WDR93: variants seen among roughly 807,000 people sequenced by gnomAD.
WDR93 encodes the protein WD repeat-containing protein 93.
Under a neutral mutation model 82.9 loss-of-function variants are expected in WDR93, and 73 were observed. The observed-to-expected ratio is 0.88, with a 90% confidence interval of 0.73 to 1.07. The LOEUF (loss-of-function observed/expected upper bound fraction) is 1.07, where lower values mean the gene tolerates loss of function less well. Among genes scored for constraint, WDR93 ranks in the 50% least tolerant of loss-of-function variants. WDR93 has a pLI of 0.00. For synonymous variants in WDR93, 283 were observed against 300.1 expected, an observed-to-expected ratio of 0.94 and a Z score of 0.59; for missense variants, 738 against 826.0, an observed-to-expected ratio of 0.89 and a Z score of 1.31.
intron 4 of WDR93, among the ~76,000 whole-genome samples, chr15:89,710,767 T>G (rs1965939403): frequency 6.6e-6 from 1 of 152,184 alleles, no homozygotes; most frequent in Admixed American, 6.5e-5. Context: ...TTTTAAATAC[T>G]TTATTGTCAC....
chr15:89,697,862 A>G (rs2141585020), intron 1 of WDR93, among the ~76,000 whole-genome samples: 1 of 151,332 alleles, frequency 6.6e-6, no homozygotes, highest in South Asian at 2.1e-4. Flanking sequence ...CCACTTGATC[A>G]ATTGACACTT....
intron 9 of WDR93, 66 bp from the exon 10 acceptor site, chr15:89,728,957 C>G (rs564598756): frequency 3.8e-4 from 540 of 1,423,154 alleles, no homozygotes; most frequent in Non-Finnish European, 4.9e-4. Flanking sequence ...AGGACCAAGA[C>G]TCTGCCAGCA....
At chr15:89,699,215 G>A (rs1473269154) in intron 1 of WDR93, among the ~76,000 whole-genome samples, 1 of 151,874 alleles carries the variant, frequency 6.6e-6, no homozygotes, top group African/African-American at 2.4e-5. Flanking sequence ...TGTTGATGAT[G>A]AATTCTTTCA....
intron 1 of WDR93, among the ~76,000 whole-genome samples, chr15:89,697,913 T>G (rs955374570): frequency 3.3e-5 from 5 of 149,906 alleles, no homozygotes; most frequent in African/African-American, 9.9e-5. Flanking sequence ...GGAGTCTCTC[T>G]CTGTCGCCCA....
intron 8 of WDR93, among the ~76,000 whole-genome samples, chr15:89,725,570 C>CT (rs58934154): frequency 2.5e-4 from 36 of 141,510 alleles, no homozygotes; most frequent in East Asian, 4.1e-4. Flanking sequence ...TTTTTCTTTT[C>CT]TTTTTTTTTT....
intron 4 of WDR93, among the ~76,000 whole-genome samples, chr15:89,709,120 C>G (rs550959882): frequency 7.2e-4 from 110 of 152,324 alleles, no homozygotes; most frequent in African/African-American, 2.6e-3. Flanking sequence ...CCACAATTCT[C>G]CAGGGCCCCT....
At chr15:89,694,406 T>A (rs1424140620) in intron 1 of WDR93, among the ~76,000 whole-genome samples, 1 of 152,100 alleles carries the variant, frequency 6.6e-6, no homozygotes, top group Non-Finnish European at 1.5e-5. Flanking sequence ...AGCTAATTTT[T>A]TGTATTTTTT....
chr15:89,734,010 T>C (rs1041409955), intron 13 of WDR93, among the ~76,000 whole-genome samples: 1 of 151,522 alleles, frequency 6.6e-6, no homozygotes, highest in African/African-American at 2.4e-5. Flanking sequence ...TGTGTGTGTG[T>C]GTGCGCGCGC....
intron 7 of WDR93, among the ~76,000 whole-genome samples, chr15:89,720,382 C>T (rs28462977): frequency 0.43 from 64,644 of 151,324 alleles, 14,270 homozygotes; most frequent in African/African-American, 0.49. Context: ...AAGCAATTCT[C>T]CTGCCTCAGC....
chr15:89,707,048 G>A (rs1427407931), intron 4 of WDR93, among the ~76,000 whole-genome samples: 1 of 152,060 alleles, frequency 6.6e-6, no homozygotes, highest in Non-Finnish European at 1.5e-5. Flanking sequence ...TGTGATAAGG[G>A]ACTTGTAACC....
At chr15:89,701,650 G>A (rs1596070606) in intron 1 of WDR93, 57 bp from the exon 2 acceptor site, 2 of 1,415,446 alleles carry the variant, frequency 1.4e-6, no homozygotes, top group Non-Finnish European at 1.9e-6. Context: ...AGGATGATGT[G>A]CTATCTTCTC....
intron 1 of WDR93, among the ~76,000 whole-genome samples, chr15:89,697,220 A>T (rs533862487): frequency 3.3e-5 from 5 of 152,110 alleles, no homozygotes; most frequent in Non-Finnish European, 5.9e-5. Context: ...TGGCCTCCCA[A>T]AGTGCTTGGA....
intron 8 of WDR93, among the ~76,000 whole-genome samples, chr15:89,723,884 G>A (rs1421681750): frequency 6.6e-6 from 1 of 152,194 alleles, no homozygotes; most frequent in Non-Finnish European, 1.5e-5. Context: ...AGGCAAAGCA[G>A]TAAAGCTTTT....
chr15:89,731,341 C>A, intron 11 of WDR93, 102 bp from the exon 12 acceptor site: 1 of 1,540,836 alleles, frequency 6.5e-7, no homozygotes, highest in East Asian at 2.3e-5. Flanking sequence ...GGTTCCCATT[C>A]CCTGAACAGG....
chr15:89,694,244 A>C (rs866161788), intron 1 of WDR93, among the ~76,000 whole-genome samples: 5 of 111,652 alleles, frequency 4.5e-5, no homozygotes, highest in East Asian at 5.1e-4. Flanking sequence ...TTGTTGGGTT[A>C]TTTCTTTTTT....
chr15:89,694,885 T>C (rs1170426698), intron 1 of WDR93, among the ~76,000 whole-genome samples: 1 of 152,206 alleles, frequency 6.6e-6, no homozygotes, highest in Admixed American at 6.5e-5. Flanking sequence ...GGCATTCATT[T>C]TTTTCCTATA....
intron 8 of WDR93, 115 bp from the exon 9 acceptor site, chr15:89,727,042 C>T (rs958980405): frequency 9.9e-6 from 12 of 1,207,550 alleles, no homozygotes; most frequent in Non-Finnish European, 1.4e-5. Context: ...GAGCAAGAAT[C>T]GATTTCTGAG....
chr15:89,716,166 T>C (rs1395994485), intron 6 of WDR93, among the ~76,000 whole-genome samples: 1 of 152,218 alleles, frequency 6.6e-6, no homozygotes, highest in Admixed American at 6.5e-5. Flanking sequence ...TGTAGTCCTA[T>C]GTCCCTGGGA....
At chr15:89,703,790 G>A (rs542328320) in intron 3 of WDR93, 5 of 153,118 alleles carry the variant, frequency 3.3e-5, no homozygotes, top group South Asian at 4.1e-4. Flanking sequence ...CAGGCAGAGC[G>A]GAAAGTGCCT....
Sources: allele counts gnomAD v4.1 joint callset (sites outside exome capture counted in the v4.1 genomes callset), GRCh38; gene constraint gnomAD v4.1.1; transcripts MANE v1.5; gene names NCBI Gene and HGNC (gene_info 2026-07-23, HGNC 2026-07-21).